Variants in MON2 observed in about 807,000 individuals in gnomAD.
MON2 encodes the protein protein MON2 homolog.
Under a neutral mutation model 208.6 loss-of-function variants are expected in MON2, and 84 were observed. The observed-to-expected ratio is 0.40, with a 90% CI of 0.34 to 0.48. The LOEUF (loss-of-function observed/expected upper bound fraction) is 0.48, where lower values mean the gene tolerates loss of function less well. Among genes scored for constraint, MON2 ranks in the 20% least tolerant of loss-of-function variants. MON2 has a pLI of 0.59. For missense variants in MON2, 1,611 were observed against 2,015.4 expected, an observed-to-expected ratio of 0.80 and a Z score of 3.84; for synonymous variants, 660 against 694.0, an observed-to-expected ratio of 0.95 and a Z score of 0.77.
At chr12:62,564,674 A>G (rs1444428130) in intron 26 of MON2, among the ~76,000 whole-genome samples, 1 of 152,162 alleles carries the variant, frequency 6.6e-6, no homozygotes, top group East Asian at 1.9e-4. Context: ...TTTAAATCAA[A>G]TCGATATATT....
chr12:62,501,662 G>A lies in MON2; in HGVS notation c.753G>A (p.Glu251=). The A allele has an allele frequency of 6.2e-7, 1 of 1,614,130 alleles. No homozygotes were observed. The highest frequency in any genetic ancestry group is 2.2e-5 in the East Asian group (1 of 44,882). ...GGACGTTTGGCCTCGAATTACTTGA[G>A]TCAGTCCTCAATGATTTTCCGCAGG... ...MTRTFGLELL[E]SVLNDFPQVF... The change falls in exon 7 of 35, where the codon GAG becomes GAA. Residue 251 remains glutamate, a synonymous_variant. Transcript: ENST00000393630.
intron 30 of MON2, among the ~76,000 whole-genome samples, chr12:62,572,962 T>C (rs1269927184): frequency 6.6e-6 from 1 of 152,216 alleles, no homozygotes; most frequent in Non-Finnish European, 1.5e-5. Flanking sequence ...TATTCTAATA[T>C]GGTTTAGTTA....
At chr12:62,534,516 C>T (rs1385861682) in intron 12 of MON2, among the ~76,000 whole-genome samples, 23 of 8,262 alleles carry the variant, frequency 2.8e-3, no homozygotes, top group African/African-American at 0.019. Context: ...AAGACTCCAT[C>T]GCAAAAAAAA....
Position 62,544,969 on chromosome 12 carries a change from A to G in MON2, c.2538A>G (p.Gly846=). ...CTTTAACTTCTCTTATTAAAGCAGG[A>G]TTAACATTTAACCATGATCCTCCAC... ...AEALTSLIKA[G]LTFNHDPPLS... Residue 846 remains glycine (G), a synonymous_variant, in exon 21 of 35, where the codon GGA becomes GGG. Transcript: ENST00000393630. The G allele has an allele frequency of 1.2e-6, 2 of 1,605,900 alleles. No homozygotes were observed. The highest frequency in any genetic ancestry group is 1.7e-6 in the Non-Finnish European group (2 of 1,176,414).
chr12:62,468,889 G>A (rs1344958516), intron 1 of MON2, among the ~76,000 whole-genome samples: 3 of 152,014 alleles, frequency 2.0e-5, no homozygotes, highest in Non-Finnish European at 4.4e-5. Flanking sequence ...CAAAAACTGT[G>A]GTTCCTCTAT....
intron 23 of MON2, 38 bp from the exon 24 acceptor site, chr12:62,552,843 C>A (rs1431144043): frequency 1.3e-6 from 2 of 1,541,082 alleles, no homozygotes; most frequent in Admixed American, 1.7e-5. Context: ...TAAAACAAAA[C>A]CTTGGATGAA....
intron 8 of MON2, among the ~76,000 whole-genome samples, chr12:62,515,647 T>A (rs764523444): frequency 4.6e-5 from 7 of 152,080 alleles, no homozygotes; most frequent in Non-Finnish European, 1.0e-4. Flanking sequence ...ACCCCGTCTC[T>A]ACTAAAAATA....
In MON2 at chr12:62,596,098, C is replaced by A. The variant is rs2075522945; in HGVS notation, c.*3349C>A. ...TTGTCACAATTTGGTACCACTAGTC[C>A]CAGGTAACCATTGGGCCAAAGGATC... is the stretch of plus-strand genomic sequence containing the variant. On this transcript the variant is annotated 3_prime_UTR_variant, in exon 35 of 35. Transcript: ENST00000393630. 1 of 152,006 alleles carries A rather than the reference C, an allele frequency of 6.6e-6. No homozygotes were observed. The highest frequency in any genetic ancestry group is 2.4e-5 in the African/African-American group (1 of 41,360). The allele number at this position is 152,006 out of a possible 1,614,324, so 9.4% of individuals were successfully genotyped here.
chr12:62,523,557 T>C (rs1381078083), intron 8 of MON2, among the ~76,000 whole-genome samples: 2 of 152,140 alleles, frequency 1.3e-5, no homozygotes, highest in Non-Finnish European at 2.9e-5. Flanking sequence ...GATTATGTCC[T>C]TTTTTTAAGC....
intron 26 of MON2, among the ~76,000 whole-genome samples, chr12:62,562,666 A>C (rs1476880572): frequency 6.6e-6 from 1 of 152,084 alleles, no homozygotes; most frequent in East Asian, 1.9e-4. Context: ...GCACAAGCCA[A>C]ATTTACTTGC....
intron 32 of MON2, among the ~76,000 whole-genome samples, chr12:62,584,705 C>CAAAAAAAA: frequency 1.4e-5 from 1 of 71,374 alleles, no homozygotes; most frequent in Non-Finnish European, 2.4e-5. Flanking sequence ...TCTGTCTCAA[C>CAAAAAAAA]AAAAAAAAAA....
chr12:62,517,864 T>A (rs2071785330), intron 8 of MON2, among the ~76,000 whole-genome samples: 1 of 152,260 alleles, frequency 6.6e-6, no homozygotes, highest in African/African-American at 2.4e-5. Flanking sequence ...TTTTCAGAGA[T>A]ACAGATATCT....
At chr12:62,565,426 A>G (rs548809515) in intron 27 of MON2, 46 bp downstream of exon 27, 7 of 1,474,104 alleles carry the variant, frequency 4.7e-6, no homozygotes, top group African/African-American at 1.4e-5. Flanking sequence ...TTCATGGCTT[A>G]TAAATACAGA....
At chr12:62,519,441 TA>T (rs536063066) in intron 8 of MON2, among the ~76,000 whole-genome samples, 1 of 152,178 alleles carries the variant, frequency 6.6e-6, no homozygotes, top group Non-Finnish European at 1.5e-5. Flanking sequence ...TTTATATTCT[TA>T]AAAAATATTT....
chr12:62,578,100 G>T (rs2074856824), intron 30 of MON2, among the ~76,000 whole-genome samples: 1 of 152,152 alleles, frequency 6.6e-6, no homozygotes, highest in Non-Finnish European at 1.5e-5. Context: ...CAATATAAGT[G>T]AATTCAGGTA....
intron 2 of MON2, among the ~76,000 whole-genome samples, chr12:62,489,294 T>G (rs1045842940): frequency 2.6e-5 from 4 of 152,150 alleles, no homozygotes; most frequent in African/African-American, 9.6e-5. Flanking sequence ...CTTTTGGTAA[T>G]TAAATAGACA....
intron 34 of MON2, among the ~76,000 whole-genome samples, chr12:62,588,579 T>C (rs1394539995): frequency 6.6e-6 from 1 of 152,228 alleles, no homozygotes; most frequent in Non-Finnish European, 1.5e-5. Flanking sequence ...TTGTTTGCCC[T>C]TTCTGTTGTT....
chr12:62,543,193 C>T lies in MON2; in HGVS notation c.2461C>T (p.Leu821Phe), dbSNP rs745697960. Reference sequence around the variant, plus strand: ...GTGGAGACCTCTGACTGGCCATCTACTTGAGGTAAATTCTCTTTCTTAAAT... The same window carrying T: ...GTGGAGACCTCTGACTGGCCATCTATTTGAGGTAAATTCTCTTTCTTAAAT... ...ILWRPLTGHL[L>F]EVCQHPNSRM... The change falls in exon 20 of 35, where the codon CTT (leucine) becomes TTT (phenylalanine). Residue 821 changes from leucine to phenylalanine, a missense_variant. Coordinates refer to ENST00000393630, the MANE Select transcript of MON2 (RefSeq NM_015026.3). 2 of 1,502,544 alleles carry T rather than the reference C, an allele frequency of 1.3e-6. No homozygotes were observed. Among genetic ancestry groups the T allele is most frequent in the Non-Finnish European group, 1.8e-6 (2 of 1,115,314 alleles). The allele number at this position is 1,502,544 out of a possible 1,614,324, so 93.1% of individuals were successfully genotyped here.
Position 62,557,941 on chromosome 12 carries a change from TATATATATATATATA to T in MON2, c.3409+1750_3409+1764del, listed in dbSNP as rs1565683300. Among the ~76,000 whole-genome samples, 54 of 39,180 alleles carry T rather than the reference TATATATATATATATA, an allele frequency of 1.4e-3. 1 individual carries two copies. Among genetic ancestry groups the T allele is most frequent in the African/African-American group, 6.2e-3 (51 of 8,278 alleles). The allele number at this position is 39,180 out of a possible 152,430, so 25.7% of individuals were successfully genotyped here. On this transcript the variant is annotated intron_variant, in intron 25 of 34. Transcript: ENST00000393630. ...GAACGAATAGATTTATATATATATA[TATATATATATATATA>T]TATATATTTTTTTTTTTTTTTTTTT...
Sources: allele counts gnomAD v4.1 joint callset (sites outside exome capture counted in the v4.1 genomes callset), GRCh38; gene constraint gnomAD v4.1.1; transcripts MANE v1.5; gene names NCBI Gene and HGNC (gene_info 2026-07-23, HGNC 2026-07-21).